ANKFY1: variants seen among roughly 807,000 people sequenced by gnomAD.
The protein encoded by ANKFY1 is ankyrin repeat and FYVE domain containing 1.
ANKFY1 carries 47 observed loss-of-function variants against 128.3 expected under a neutral mutation model. That is an observed-to-expected ratio of 0.37 (90% CI 0.29 to 0.47). The LOEUF (loss-of-function observed/expected upper bound fraction) is 0.47. Ranked by LOEUF, ANKFY1 falls within the 20% of genes least tolerant of loss-of-function variation. ANKFY1 has a pLI of 1.00. For missense variants in ANKFY1, 1,222 were observed against 1,510.6 expected, an observed-to-expected ratio of 0.81 and a Z score of 3.17; for synonymous variants, 553 against 601.6, an observed-to-expected ratio of 0.92 and a Z score of 1.18.
chr17:4,170,994 T>C (rs2059308613), intron 22 of ANKFY1, 133 bp from the exon 23 acceptor site: 2 of 1,338,198 alleles, frequency 1.5e-6, no homozygotes, highest in South Asian at 1.3e-5. Flanking sequence ...CCCACAGACA[T>C]ACGGGGGCCC....
chr17:4,198,128 TTAAA>T (rs2059861330), intron 7 of ANKFY1, among the ~76,000 whole-genome samples: 1 of 136,784 alleles, frequency 7.3e-6, no homozygotes. Context: ...AAACTCCGTC[TTAAA>T]AAAAAAAAAA....
intron 3 of ANKFY1, among the ~76,000 whole-genome samples, chr17:4,235,163 T>TA (rs1431887366): frequency 6.6e-6 from 1 of 151,836 alleles, no homozygotes; most frequent in Non-Finnish European, 1.5e-5. Context: ...GCCAACATGG[T>TA]AAAACCCTGT....
chr17:4,211,737 G>C (rs28590271), intron 4 of ANKFY1, among the ~76,000 whole-genome samples: 5,561 of 152,110 alleles, frequency 0.037, 337 homozygotes, highest in African/African-American at 0.13. Flanking sequence ...AGGCATGGTA[G>C]CATGTGCCTG....
At chr17:4,171,005 C>A in intron 22 of ANKFY1, 144 bp from the exon 23 acceptor site, 1 of 1,130,330 alleles carries the variant, frequency 8.8e-7, no homozygotes. Flanking sequence ...ACGGGGGCCC[C>A]GAGGCTCTGG....
At chr17:4,263,873 G>A (rs1023848056) in intron 1 of ANKFY1, 59 bp downstream of exon 1, 9 of 1,612,998 alleles carry the variant, frequency 5.6e-6, no homozygotes, top group Admixed American at 1.7e-5. Flanking sequence ...AGCTTCGCAC[G>A]GCCAGCAGCG....
chr17:4,221,174 A>G (rs1276951388), intron 3 of ANKFY1, among the ~76,000 whole-genome samples: 1 of 152,240 alleles, frequency 6.6e-6, no homozygotes, highest in Admixed American at 6.5e-5. Flanking sequence ...TCTGTATGCA[A>G]TTAACCATTA....
At chr17:4,211,026 C>T (rs1473889718) in intron 4 of ANKFY1, among the ~76,000 whole-genome samples, 1 of 151,126 alleles carries the variant, frequency 6.6e-6, no homozygotes, top group African/African-American at 2.4e-5. Context: ...AGTGAGACTC[C>T]ATCAACAACA....
Position 4,231,348 on chromosome 17 carries a change from G to A in ANKFY1, c.322+4424C>T, listed in dbSNP as rs148966002. The stretch of plus-strand genomic sequence containing the variant: ...CCATCTCTATTAAACAATTAGCCAG[G>A]GATGGTGGTGAACACCTGTACTCCC... On this transcript the variant is annotated intron_variant, in intron 3 of 24. Transcript: ENST00000341657. 2.2e-4 allele frequency among the ~76,000 whole-genome samples: 33 copies of A among 152,138 alleles called. 1 individual carries two copies. The East Asian group carries it at 4.1e-3, about 19-fold the overall frequency.
At chr17:4,225,963 A>T (rs1290038766) in intron 3 of ANKFY1, among the ~76,000 whole-genome samples, 9 of 152,184 alleles carry the variant, frequency 5.9e-5, no homozygotes, top group African/African-American at 2.2e-4. Context: ...GGGTTTTGCC[A>T]TGTTGCCCAG....
intron 8 of ANKFY1, among the ~76,000 whole-genome samples, chr17:4,196,948 T>G (rs112722104): frequency 1.3e-5 from 2 of 152,162 alleles, no homozygotes; most frequent in African/African-American, 4.8e-5. Context: ...GGCAAAACCC[T>G]GTCTCCACCA....
intron 11 of ANKFY1, chr17:4,187,317 G>A (rs1022038577): frequency 1.3e-5 from 5 of 398,656 alleles, no homozygotes; most frequent in African/African-American, 1.0e-4. Flanking sequence ...TGCAGTGTGA[G>A]AGGACAGGAC....
At position 4,214,251 on chromosome 17, in the gene ANKFY1, A is replaced by C. The variant is rs113981622; in HGVS notation, c.458+2732T>G. 1.2e-3 allele frequency among the ~76,000 whole-genome samples: 176 copies of C among 152,348 alleles called. 1 individual carries two copies. The highest frequency in any genetic ancestry group is 4.1e-3 in the African/African-American group (169 of 41,576). The stretch of plus-strand genomic sequence containing the variant: ...ACTCAAATATGTTTCACGAAAGCAG[A>C]TCTTTTATTAAAGCTGGCAGACATT... On this transcript the variant is annotated intron_variant, in intron 4 of 24. Transcript: ENST00000341657.
intron 11 of ANKFY1, among the ~76,000 whole-genome samples, chr17:4,189,076 G>A (rs552653951): frequency 1.3e-5 from 2 of 152,248 alleles, no homozygotes; most frequent in South Asian, 2.1e-4. Context: ...ATGCTATCGC[G>A]GTAGGTTTGT....
At chr17:4,216,340 T>C (rs1368318846) in intron 4 of ANKFY1, among the ~76,000 whole-genome samples, 1 of 152,220 alleles carries the variant, frequency 6.6e-6, no homozygotes, top group East Asian at 1.9e-4. Context: ...AGCAAGCTGA[T>C]TACCAAGAGC....
intron 10 of ANKFY1, among the ~76,000 whole-genome samples, chr17:4,193,985 T>G (rs1278668739): frequency 6.6e-6 from 1 of 150,858 alleles, no homozygotes; most frequent in Non-Finnish European, 1.5e-5. Context: ...CTGGAACTGC[T>G]AACCTCAGGT....
intron 15 of ANKFY1, 78 bp downstream of exon 15, chr17:4,182,103 G>A (rs1211074223): frequency 7.6e-7 from 1 of 1,313,570 alleles, no homozygotes; most frequent in Non-Finnish European, 1.0e-6. Flanking sequence ...TCCTGTGACA[G>A]CTACGCAGGC....
intron 1 of ANKFY1, 102 bp downstream of exon 1, chr17:4,263,830 A>G: frequency 6.2e-7 from 1 of 1,610,324 alleles, no homozygotes; most frequent in Non-Finnish European, 8.5e-7. Flanking sequence ...CGGAGCCCCC[A>G]TGCAACCACG....
At chr17:4,254,022 G>A (rs1199545259) in intron 1 of ANKFY1, among the ~76,000 whole-genome samples, 3 of 152,130 alleles carry the variant, frequency 2.0e-5, no homozygotes, top group African/African-American at 7.2e-5. Flanking sequence ...AGAGGGAGCA[G>A]GGGCTGGCCG....
At chr17:4,224,957 T>TTA (rs1555634606) in intron 3 of ANKFY1, among the ~76,000 whole-genome samples, 68 of 149,952 alleles carry the variant, frequency 4.5e-4, no homozygotes, top group African/African-American at 1.6e-3. Flanking sequence ...TTTTTTTTTT[T>TTA]AAATAAACTG....
Sources: gnomAD v4.1 joint callset for allele counts (sites outside exome capture counted in the v4.1 genomes callset) on GRCh38, gnomAD v4.1.1 for gene constraint, MANE v1.5 for transcripts, NCBI Gene and HGNC (gene_info 2026-07-23, HGNC 2026-07-21) for gene names.